The following ATAD5 variants were observed in gnomAD, a reference collection of about 807,000 sequenced individuals.
The protein encoded by ATAD5 is ATPase family AAA domain containing 5.
ATAD5 carries 58 observed loss-of-function variants against 176.9 expected under a neutral mutation model. The observed-to-expected ratio is 0.33, with a 90% confidence interval of 0.27 to 0.41. The LOEUF is 0.41. Ranked by LOEUF, ATAD5 falls within the 10% of genes least tolerant of loss-of-function variation. The pLI is 1.00. For missense variants in ATAD5, 1,789 were observed against 2,094.1 expected, an observed-to-expected ratio of 0.85 and a Z score of 2.84; for synonymous variants, 640 against 712.6, an observed-to-expected ratio of 0.90 and a Z score of 1.62.
intron 6 of ATAD5, among the ~76,000 whole-genome samples, chr17:30,846,975 T>G (rs1906546958): frequency 6.6e-6 from 1 of 152,106 alleles, no homozygotes; most frequent in Admixed American, 6.6e-5. Context: ...CCCCTCAGCC[T>G]CCCATAGTGC....
At chr17:30,864,595 T>C (rs1415931788) in intron 10 of ATAD5, 1 of 152,078 alleles carries the variant, frequency 6.6e-6, no homozygotes, top group African/African-American at 2.4e-5. Context: ...ATCTCTTGGG[T>C]TCAAGTGATC....
chr17:30,886,146 G>A (rs1414823882), intron 18 of ATAD5, among the ~76,000 whole-genome samples: 1 of 150,296 alleles, frequency 6.7e-6, no homozygotes, highest in Non-Finnish European at 1.5e-5. Flanking sequence ...TTATTTTCTT[G>A]AGGAATACTA....
At chr17:30,873,213 C>T (rs1908440952) in intron 14 of ATAD5, among the ~76,000 whole-genome samples, 1 of 151,994 alleles carries the variant, frequency 6.6e-6, no homozygotes, top group South Asian at 2.1e-4. Flanking sequence ...GACATTACCC[C>T]AGCAATAGTT....
At chr17:30,875,147 T>C (rs940998957) in intron 14 of ATAD5, among the ~76,000 whole-genome samples, 3 of 152,038 alleles carry the variant, frequency 2.0e-5, no homozygotes, top group Admixed American at 6.6e-5. Context: ...GATCATGAGA[T>C]GGTATGTGAG....
At position 30,858,247 on chromosome 17, in the gene ATAD5, GA is replaced by G. The variant is rs1567687175; in HGVS notation, c.2886del (p.Lys962AsnfsTer7). ...IRWSNPEFSL[K>X]KYFPLLLKKQ... ...GGTGGTCAAATCCTGAATTTTCATT[GA>G]AAAAATATTTTCCCTTACTCCTAAA... On this transcript the variant is annotated frameshift_variant, in exon 9 of 23. Transcript: ENST00000321990. LOFTEE classifies it high-confidence loss of function. 6.3e-7 allele frequency: 1 copy of G among 1,597,076 alleles called. No individual in the cohort carries two copies. The highest frequency in any genetic ancestry group is 1.1e-5 in the South Asian group (1 of 87,472).
rs1906044620 is a variant in ATAD5, at chr17:30,840,604, A to AT, written c.2077-7dup. On this transcript the variant is annotated splice_polypyrimidine_tract_variant and intron_variant, in intron 3 of 22. Coordinates refer to ENST00000321990, the MANE Select transcript of ATAD5 (RefSeq NM_024857.5). ...TCTTGTGATGTAAATTAATGTTTCA[A>AT]TTTTTTGTTTAGGCAAGCAATACTT... The AT allele has an allele frequency of 6.9e-7, 1 of 1,459,712 alleles. No homozygotes were observed. The highest frequency in any genetic ancestry group is 9.2e-7 in the Non-Finnish European group (1 of 1,090,394). The allele number at this position is 1,459,712 out of a possible 1,614,324, so 90.4% of individuals were successfully genotyped here.
chr17:30,835,544 C>T lies in ATAD5; in HGVS notation c.1463C>T (p.Thr488Ile), dbSNP rs370328337. 1 of 1,610,848 alleles carries T rather than the reference C, an allele frequency of 6.2e-7. No homozygotes were observed. The highest frequency in any genetic ancestry group is 8.5e-7 in the Non-Finnish European group (1 of 1,179,030). ...AAGAAGAATAAGAAAACATTAGATACTGGGGCTATTCCAGGCAAAAACAGA... is the reference window on the plus strand; with the variant it reads ...AAGAAGAATAAGAAAACATTAGATATTGGGGCTATTCCAGGCAAAAACAGA... ...LKKKNKKTLD[T>I]GAIPGKNREG... The change falls in exon 2 of 23, where the codon ACT becomes ATT. Residue 488 changes from threonine (T) to isoleucine (I), a missense_variant. This residue lies in a region of ATAD5 where 696 missense variants were observed against 712.5 expected (regional missense o/e 0.98). Coordinates refer to ENST00000321990, the MANE Select transcript of ATAD5 (RefSeq NM_024857.5).
In ATAD5 at chr17:30,835,088, C is replaced by T. The variant is rs1211199020; in HGVS notation, c.1007C>T (p.Thr336Ile). The T allele has an allele frequency of 6.2e-7, 1 of 1,613,890 alleles. No homozygotes were observed. The highest frequency in any genetic ancestry group is 8.5e-7 in the Non-Finnish European group (1 of 1,179,996). ...AQVHPIPPKK[T>I]GKIPRIFLKQ... Reference sequence around the variant, plus strand: ...GTTCACCCTATTCCGCCCAAAAAGACAGGGAAAATACCCCGAATTTTCTTG... The same window carrying T: ...GTTCACCCTATTCCGCCCAAAAAGATAGGGAAAATACCCCGAATTTTCTTG... Residue 336 changes from threonine (T) to isoleucine (I), a missense_variant, in exon 2 of 23, where the codon ACA becomes ATA. Thr to Ile is a moderately conservative substitution (Grantham distance 89). Around this residue, in one of 6 missense-constraint regions of ATAD5, gnomAD observed 696 missense variants for 712.5 expected, o/e 0.98. Transcript: ENST00000321990.
intron 6 of ATAD5, among the ~76,000 whole-genome samples, chr17:30,850,833 T>TTATATATATATATATA (rs1312470807): frequency 5.8e-4 from 16 of 27,826 alleles, no homozygotes; most frequent in Admixed American, 1.5e-3. Flanking sequence ...TTATATATTT[T>TTATATATATATATATA]TATATATATA....
intron 14 of ATAD5, among the ~76,000 whole-genome samples, chr17:30,871,174 T>C (rs1293185429): frequency 1.4e-5 from 2 of 148,084 alleles, no homozygotes; most frequent in African/African-American, 5.0e-5. Context: ...GTATCTAGTA[T>C]GCTGTCACTG....
chr17:30,837,111 C>A, intron 2 of ATAD5, 95 bp from the exon 3 acceptor site: 4 of 688,388 alleles, frequency 5.8e-6, no homozygotes, highest in Admixed American at 3.6e-5. Context: ...CATGCAGATG[C>A]CACTGCACCA....
At position 30,868,330 on chromosome 17, in the gene ATAD5, C is replaced by A; in HGVS notation, c.3234-3C>A. ...TTATTTTTATTATGTTTTCTTGTGG[C>A]AGTTGGTTGAAAGACTGGAAAAGAA... On this transcript the variant is annotated splice_polypyrimidine_tract_variant and splice_region_variant and intron_variant, in intron 11 of 22. Transcript: ENST00000321990. 1.9e-6 allele frequency: 3 copies of A among 1,558,388 alleles called. No homozygotes were observed. Among genetic ancestry groups the A allele is most frequent in the Non-Finnish European group, 1.7e-6 (2 of 1,157,126 alleles).
intron 6 of ATAD5, among the ~76,000 whole-genome samples, chr17:30,847,125 G>A (rs1906556125): frequency 6.6e-6 from 1 of 152,154 alleles, no homozygotes; most frequent in Non-Finnish European, 1.5e-5. Context: ...CCTCATTGCA[G>A]TTAATTTCTG....
intron 17 of ATAD5, among the ~76,000 whole-genome samples, chr17:30,878,718 G>GTTTTTTGTTTTTTT (rs1908814220): frequency 1.8e-5 from 1 of 56,838 alleles, no homozygotes; most frequent in African/African-American, 6.6e-5. Flanking sequence ...GTTAGGTGGT[G>GTTTTTTGTTTTTTT]TTTTTTTTTT....
chr17:30,874,601 G>T (rs1597986435), intron 14 of ATAD5, among the ~76,000 whole-genome samples: 1 of 130,358 alleles, frequency 7.7e-6, no homozygotes, highest in African/African-American at 3.2e-5. Context: ...ATTGATATCT[G>T]TTCAACTATT....
intron 14 of ATAD5, among the ~76,000 whole-genome samples, chr17:30,870,368 T>A (rs538459800): frequency 6.6e-6 from 1 of 152,324 alleles, no homozygotes; most frequent in African/African-American, 2.4e-5. Context: ...GTCTGCTGAT[T>A]ATATCCTCAT....
chr17:30,874,398 G>T (rs1908529021), intron 14 of ATAD5, among the ~76,000 whole-genome samples: 1 of 147,740 alleles, frequency 6.8e-6, no homozygotes, highest in African/African-American at 2.5e-5. Flanking sequence ...AAAATTAGCT[G>T]GGCATGGTGG....
At chr17:30,858,128 G>C (rs1350556126) in intron 8 of ATAD5, 33 bp from the exon 9 acceptor site, 15 of 1,451,712 alleles carry the variant, frequency 1.0e-5, no homozygotes, top group Non-Finnish European at 1.3e-5. Context: ...GATGATGTTG[G>C]TCTGTTATTG....
intron 18 of ATAD5, among the ~76,000 whole-genome samples, chr17:30,884,553 C>T (rs547803965): frequency 1.3e-5 from 2 of 150,602 alleles, no homozygotes; most frequent in African/African-American, 2.4e-5. Context: ...CTCAGCCTCC[C>T]GAGTAGCTGG....
Sources: allele counts gnomAD v4.1 joint callset (sites outside exome capture counted in the v4.1 genomes callset), GRCh38; gene constraint gnomAD v4.1.1; regional missense constraint gnomAD v4.1.1; transcripts MANE v1.5; gene names NCBI Gene and HGNC (gene_info 2026-07-23, HGNC 2026-07-21).